The following SNRPE variants were observed in gnomAD, a reference collection of about 807,000 sequenced individuals.
SNRPE encodes small nuclear ribonucleoprotein polypeptide E, also known as small nuclear ribonucleoprotein E.
For missense variants in SNRPE, 53 were observed against 111.6 expected (o/e 0.48, Z 2.36); for synonymous variants, 35 against 36.7 (o/e 0.95, Z 0.17).
intron 3 of SNRPE, among the ~76,000 whole-genome samples, chr1:203,864,750 C>G (rs1690050750): frequency 6.6e-6 from 1 of 151,724 alleles, no homozygotes; most frequent in African/African-American, 2.4e-5. Flanking sequence ...GGTGGTGCGC[C>G]CTGTAGTTCC....
intron 1 of SNRPE, 159 bp downstream of exon 1, chr1:203,861,872 G>A (rs1689984586): frequency 1.5e-6 from 1 of 683,248 alleles, no homozygotes; most frequent in Non-Finnish European, 2.7e-6. Context: ...GTTGAACCGT[G>A]ATGGTGGGGA....
chr1:203,866,172 A>T (rs1004654925), intron 4 of SNRPE, among the ~76,000 whole-genome samples: 2 of 152,244 alleles, frequency 1.3e-5, no homozygotes, highest in Non-Finnish European at 2.9e-5. Context: ...GCTGCTGGCC[A>T]TCAGTCAATC....
In SNRPE at chr1:203,867,107, GAAAAAAAAAAAA is replaced by G. The variant is rs71566135; in HGVS notation, c.223+2000_223+2011del. ...AACATGGTGAAACCCTGTCTTTCCT[GAAAAAAAAAAAA>G]AAAAAAAAAAATTAGCTGGGCATGG... On this transcript the variant is annotated intron_variant, in intron 4 of 4. Transcript: ENST00000414487. Among the ~76,000 whole-genome samples the G allele has an allele frequency of 1.3e-4, 7 of 52,902 alleles. No individual in the cohort carries two copies. The South Asian group carries it at 1.9e-3, about 14-fold the overall frequency. 34.7% of individuals were successfully genotyped at this position (52,902 alleles called of 152,430 possible). A position where few individuals can be genotyped will look rare whatever the true frequency, so the allele number is the denominator to read the frequency against.
intron 2 of SNRPE, among the ~76,000 whole-genome samples, chr1:203,863,287 A>T (rs905204261): frequency 6.6e-6 from 1 of 151,992 alleles, no homozygotes; most frequent in Non-Finnish European, 1.5e-5. Flanking sequence ...ATCCCAAAGT[A>T]TGGGAACGGT....
Position 203,870,910 on chromosome 1 carries a change from ATGT to A in SNRPE, c.*983_*985del, listed in dbSNP as rs1485635264. ...CCTGCCTTAAGTTCTGCTAAAGGCC[ATGT>A]TGTTATTAAGGACGGGTGAGGAAGG... On this transcript the variant is annotated 3_prime_UTR_variant, in exon 5 of 5. Transcript: ENST00000414487. Among the ~76,000 whole-genome samples the A allele has an allele frequency of 1.3e-5, 2 of 152,358 alleles. No individual in the cohort carries two copies. The highest frequency in any genetic ancestry group is 3.9e-4 in the East Asian group (2 of 5,192).
intron 4 of SNRPE, among the ~76,000 whole-genome samples, chr1:203,868,409 T>C (rs1044321486): frequency 7.9e-5 from 12 of 152,200 alleles, no homozygotes; most frequent in Admixed American, 7.9e-4. Flanking sequence ...CACGGTTTCA[T>C]CAAGACACAC....
Position 203,869,949 on chromosome 1 carries a change from G to A in SNRPE, c.*17G>A, listed in dbSNP as rs1449202733. 1.3e-6 allele frequency: 2 copies of A among 1,522,578 alleles called. No homozygotes were observed. Among genetic ancestry groups the A allele is most frequent in the Non-Finnish European group, 1.8e-6 (2 of 1,103,794 alleles). The allele number at this position is 1,522,578 out of a possible 1,614,324, so 94.3% of individuals were successfully genotyped here. A position where few individuals can be genotyped will look rare whatever the true frequency, so the allele number is the denominator to read the frequency against. ...TCCAACTAGAAATGATCAATGAAGTGAGAAATTGTTGAGAAGGATACAGTT... is the reference window on the plus strand; with the variant it reads ...TCCAACTAGAAATGATCAATGAAGTAAGAAATTGTTGAGAAGGATACAGTT... On this transcript the variant is annotated 3_prime_UTR_variant, in exon 5 of 5. Coordinates refer to ENST00000414487, the MANE Select transcript of SNRPE (RefSeq NM_003094.4).
At chr1:203,868,095 G>A (rs1690131387) in intron 4 of SNRPE, among the ~76,000 whole-genome samples, 1 of 135,056 alleles carries the variant, frequency 7.4e-6, no homozygotes, top group Non-Finnish European at 1.6e-5. Flanking sequence ...AGTCTCTGTC[G>A]CTCAGGCTGG....
chr1:203,869,729 C>T lies in SNRPE; in HGVS notation c.224-148C>T, dbSNP rs1485768602. 2.8e-5 allele frequency: 16 copies of T among 580,942 alleles called. No homozygotes were observed. The East Asian group carries it at 3.3e-4, about 12-fold the overall frequency. 36.0% of individuals were successfully genotyped at this position (580,942 alleles called of 1,614,324 possible). ...ATGTATTCTAATGGAGCCAGAAAGCCTTTCACTATATGGACACTTGAAAAT... is the reference window on the plus strand; with the variant it reads ...ATGTATTCTAATGGAGCCAGAAAGCTTTTCACTATATGGACACTTGAAAAT... On this transcript the variant is annotated intron_variant, in intron 4 of 4. Coordinates refer to ENST00000414487, the MANE Select transcript of SNRPE (RefSeq NM_003094.4).
chr1:203,864,047 C>T (rs6689927), intron 3 of SNRPE, among the ~76,000 whole-genome samples: 98,934 of 151,978 alleles, frequency 0.65, 32,284 homozygotes, highest in East Asian at 0.75. Context: ...CTCAACCTCC[C>T]GGGCTCAAGT....
chr1:203,862,925 A>G (rs1043508002), intron 2 of SNRPE, among the ~76,000 whole-genome samples: 4 of 152,140 alleles, frequency 2.6e-5, no homozygotes, highest in Non-Finnish European at 5.9e-5. Flanking sequence ...ATGCTGTCAA[A>G]AACTTTCACT....
rs771338622 is a variant in SNRPE at position 203,869,856 on chromosome 1, TTTG to T, written c.224-15_224-13del. ...CTGAGTGTGTGGCTATTAATAGCTT[TTTG>T]TTGTTTTTGTGTTGCAGGTCGGATC... is the stretch of plus-strand genomic sequence containing the variant. On this transcript the variant is annotated intron_variant, in intron 4 of 4. Transcript: ENST00000414487. The T allele has an allele frequency of 5.0e-6, 8 of 1,587,174 alleles. No individual in the cohort carries two copies. Among genetic ancestry groups the T allele is most frequent in the Admixed American group, 3.5e-5 (2 of 57,340 alleles).
In SNRPE at chr1:203,870,797, T is replaced by A. The variant is rs899248265; in HGVS notation, c.*865T>A. ...CTGCTGTTAGCTAGACACTGTTGAA[T>A]CAATACAGTGAAACAGACAGGTAAG... On this transcript the variant is annotated 3_prime_UTR_variant, in exon 5 of 5. Coordinates refer to ENST00000414487, the MANE Select transcript of SNRPE (RefSeq NM_003094.4). Among the ~76,000 whole-genome samples the A allele has an allele frequency of 6.6e-6, 1 of 152,220 alleles. No homozygotes were observed. The highest frequency in any genetic ancestry group is 2.4e-5 in the African/African-American group (1 of 41,462).
In SNRPE at chr1:203,871,017, C is replaced by T. The variant is rs1435185303; in HGVS notation, c.*1085C>T. ...GAAACTGAATAAAAGAAATCCTTTC[C>T]GAGATAGAGGAGATTTGTAGGTGAA... On this transcript the variant is annotated 3_prime_UTR_variant, in exon 5 of 5. Transcript: ENST00000414487. Among the ~76,000 whole-genome samples, 4 of 152,114 alleles carry T rather than the reference C, an allele frequency of 2.6e-5. No individual in the cohort carries two copies. The highest frequency in any genetic ancestry group is 3.9e-4 in the East Asian group (2 of 5,194).
At chr1:203,869,289 CTTTTTTTTTTTTTTTTTT>C (rs564988259) in intron 4 of SNRPE, among the ~76,000 whole-genome samples, 45 of 66,814 alleles carry the variant, frequency 6.7e-4, no homozygotes, top group Middle Eastern at 0.012. Flanking sequence ...AGGATGGAGT[CTTTTTTTTTTTTTTTTTT>C]TTTTTTTTTT....
In SNRPE at chr1:203,862,186, T is replaced by C; in HGVS notation, c.55-10T>C. ...GCTTTTGTATTTTTTCCTTAGCCAC[T>C]GTGGTGCAGAACCTCATCTTCAGAT... On this transcript the variant is annotated splice_polypyrimidine_tract_variant and intron_variant, in intron 1 of 4. Coordinates refer to ENST00000414487, the MANE Select transcript of SNRPE (RefSeq NM_003094.4). 2 of 1,608,206 alleles carry C rather than the reference T, an allele frequency of 1.2e-6. No individual in the cohort carries two copies. Among genetic ancestry groups the C allele is most frequent in the Non-Finnish European group, 1.7e-6 (2 of 1,174,604 alleles).
rs533351541 is a variant in SNRPE, at chr1:203,869,208, A to G, written c.224-669A>G. On this transcript the variant is annotated intron_variant, in intron 4 of 4. Transcript: ENST00000414487. Reference sequence around the variant, plus strand: ...AACACCAGTGTTCCTGAAGATGTTTATAAATTTCTCAGAAAAGTATTGTCT... The same window carrying G: ...AACACCAGTGTTCCTGAAGATGTTTGTAAATTTCTCAGAAAAGTATTGTCT... Among the ~76,000 whole-genome samples, 4 of 150,756 alleles carry G rather than the reference A, an allele frequency of 2.7e-5. No homozygotes were observed. In the East Asian group the frequency reaches 7.9e-4, roughly 30 times the overall value.
chr1:203,863,048 G>A (rs1345729218), intron 2 of SNRPE, among the ~76,000 whole-genome samples: 1 of 151,930 alleles, frequency 6.6e-6, no homozygotes, highest in Non-Finnish European at 1.5e-5. Flanking sequence ...TTCTTTTTGA[G>A]GTTATTATTA....
intron 4 of SNRPE, among the ~76,000 whole-genome samples, chr1:203,866,105 C>T (rs961199969): frequency 2.0e-5 from 3 of 152,206 alleles, no homozygotes; most frequent in Admixed American, 2.0e-4. Flanking sequence ...GAAAGTCCGA[C>T]ATCACTAATG....
Sources: allele counts gnomAD v4.1 joint callset (sites outside exome capture counted in the v4.1 genomes callset), GRCh38; gene constraint gnomAD v4.1.1; transcripts MANE v1.5; gene names NCBI Gene and HGNC (gene_info 2026-07-23, HGNC 2026-07-21).